Variants in CHD7 observed in about 807,000 individuals in gnomAD.
CHD7 encodes the protein chromodomain helicase DNA binding protein 7.
Under a neutral mutation model 307.3 loss-of-function variants are expected in CHD7, and 24 were observed. That is an observed-to-expected ratio of 0.08 (90% CI 0.06 to 0.11). The LOEUF is 0.11. CHD7 is among the 10% of genes least tolerant of loss of function. The probability of loss-of-function intolerance (pLI) is 1.00; values close to 1 mark genes in which losing one functional copy is unlikely to be tolerated. For missense variants in CHD7, 3,106 were observed against 3,727.1 expected (o/e 0.83, Z 4.34); for synonymous variants, 1,363 against 1,349.9 (o/e 1.01, Z -0.21).
intron 1 of CHD7, among the ~76,000 whole-genome samples, chr8:60,716,813 T>G (rs890127958): frequency 1.3e-5 from 2 of 152,236 alleles, no homozygotes; most frequent in African/African-American, 2.4e-5. Flanking sequence ...ACATATTTGT[T>G]GCTTAAAATT....
chr8:60,679,602 C>G (rs2150464396), intron 1 of CHD7: 1 of 148,152 alleles, frequency 6.7e-6, no homozygotes, highest in South Asian at 1.8e-4. Flanking sequence ...GATGGGCGCG[C>G]GGGCGCGGGG....
Position 60,856,879 on chromosome 8 carries a change from A to C in CHD7, c.7599A>C (p.Ser2533=). ...DLLFMSHKRT[S]LSAEDAEVTK... ...TTTTCATGAGCCACAAACGGACGTC[A>C]TTGAGTGCAGTAAGTTGGGGAGCTT... is the stretch of plus-strand genomic sequence containing the variant. Residue 2533 remains serine (S), a synonymous_variant, in exon 34 of 38, where the codon TCA becomes TCC. Coordinates refer to ENST00000423902, the MANE Select transcript of CHD7 (RefSeq NM_017780.4). The C allele has an allele frequency of 1.3e-6, 2 of 1,547,058 alleles. No homozygotes were observed. The highest frequency in any genetic ancestry group is 1.7e-6 in the Non-Finnish European group (2 of 1,149,076).
intron 12 of CHD7, 86 bp downstream of exon 12, chr8:60,822,832 A>G: frequency 7.5e-7 from 1 of 1,335,418 alleles, no homozygotes; most frequent in Non-Finnish European, 9.9e-7. Flanking sequence ...TGACTTGGGA[A>G]GGTCTAAATT....
intron 2 of CHD7, among the ~76,000 whole-genome samples, chr8:60,750,398 G>A (rs1329808866): frequency 2.0e-5 from 3 of 152,174 alleles, no homozygotes; most frequent in Non-Finnish European, 4.4e-5. Context: ...AACCTCCACC[G>A]AGGTGGAAAG....
chr8:60,699,545 T>G (rs1806652204), intron 1 of CHD7, among the ~76,000 whole-genome samples: 1 of 152,044 alleles, frequency 6.6e-6, no homozygotes, highest in Non-Finnish European at 1.5e-5. Context: ...TTTTAAAGCC[T>G]GGGGTAGCCT....
At chr8:60,735,632 G>A (rs1808664472) in intron 1 of CHD7, among the ~76,000 whole-genome samples, 1 of 152,092 alleles carries the variant, frequency 6.6e-6, no homozygotes. Flanking sequence ...CATAAAATAT[G>A]ATATATGGAA....
In CHD7 at chr8:60,832,543, A is replaced by G. The variant is rs1273254771; in HGVS notation, c.3778+1966A>G. ...ACACGTGTGTGCATGCACTGTGCAC[A>G]TACATGTGTTTGCATTTAATAGCTG... On this transcript the variant is annotated intron_variant, in intron 15 of 37. Transcript: ENST00000423902. Among the ~76,000 whole-genome samples the G allele has an allele frequency of 3.3e-5, 5 of 152,322 alleles. No individual in the cohort carries two copies. In the East Asian group the frequency reaches 7.7e-4, roughly 23 times the overall value.
intron 2 of CHD7, 104 bp downstream of exon 2, chr8:60,743,201 AT>A: frequency 2.1e-6 from 2 of 937,026 alleles, no homozygotes; most frequent in Non-Finnish European, 3.3e-6. Flanking sequence ...CTTTTTCATT[AT>A]GAGTGCCTTA....
intron 2 of CHD7, among the ~76,000 whole-genome samples, chr8:60,755,860 T>A (rs1809865467): frequency 6.6e-6 from 1 of 152,196 alleles, no homozygotes; most frequent in South Asian, 2.1e-4. Flanking sequence ...AGTTATTTTT[T>A]AAAGAAGGTT....
rs1337442080 is a variant in CHD7 at position 60,867,944 on chromosome 8, G to A, written c.*2011G>A. The A allele has an allele frequency of 6.6e-6, 1 of 151,764 alleles. No homozygotes were observed. Among genetic ancestry groups the A allele is most frequent in the East Asian group, 1.9e-4 (1 of 5,200 alleles). 9.4% of individuals were successfully genotyped at this position (151,764 alleles called of 1,614,324 possible). On this transcript the variant is annotated 3_prime_UTR_variant, in exon 38 of 38. Coordinates refer to ENST00000423902, the MANE Select transcript of CHD7 (RefSeq NM_017780.4). ...TGAAACTAGGTCTGCATGAAGTATA[G>A]GAAATTTAAGTATTTAAGTAACAAA... is the stretch of plus-strand genomic sequence containing the variant.
At chr8:60,826,019 A>G (rs573642930) in intron 13 of CHD7, among the ~76,000 whole-genome samples, 3 of 152,202 alleles carry the variant, frequency 2.0e-5, no homozygotes, top group African/African-American at 7.2e-5. Flanking sequence ...TATTTCAAAG[A>G]GTTTTCTATT....
Position 60,816,515 on chromosome 8 carries a change from GCTTA to G in CHD7, c.2613+18_2613+21del. The G allele has an allele frequency of 7.1e-7, 1 of 1,407,288 alleles. No homozygotes were observed. Among genetic ancestry groups the G allele is most frequent in the Non-Finnish European group, 9.9e-7 (1 of 1,011,470 alleles). 87.2% of individuals were successfully genotyped at this position (1,407,288 alleles called of 1,614,324 possible). On this transcript the variant is annotated intron_variant, in intron 8 of 37. Coordinates refer to ENST00000423902, the MANE Select transcript of CHD7 (RefSeq NM_017780.4). ...TTCCTTTCAGAGGTACGACATACCT[GCTTA>G]CTTTTCCAAAGTATTTACTTTGTTA...
chr8:60,776,061 A>G (rs899428888), intron 2 of CHD7, among the ~76,000 whole-genome samples: 2 of 152,224 alleles, frequency 1.3e-5, no homozygotes, highest in African/African-American at 2.4e-5. Context: ...CATTTAGCCT[A>G]TCACAGAATT....
intron 2 of CHD7, among the ~76,000 whole-genome samples, chr8:60,777,203 A>T (rs1382601590): frequency 3.9e-5 from 6 of 152,188 alleles, no homozygotes; most frequent in Non-Finnish European, 7.3e-5. Flanking sequence ...TTGATTTTAG[A>T]CTTGTTTGTA....
intron 34 of CHD7, 131 bp from the exon 35 acceptor site, chr8:60,860,773 G>A (rs1479099847): frequency 5.4e-6 from 4 of 742,032 alleles, no homozygotes; most frequent in East Asian, 5.3e-5. Flanking sequence ...CAAACAACTA[G>A]ACATTGTTTC....
chr8:60,836,427 T>G, intron 16 of CHD7, 144 bp downstream of exon 16: 2 of 676,048 alleles, frequency 3.0e-6, no homozygotes, highest in Admixed American at 2.9e-5. Flanking sequence ...AAACTATAGA[T>G]GTACATGATG....
intron 8 of CHD7, among the ~76,000 whole-genome samples, chr8:60,817,482 G>A (rs1181341860): frequency 6.6e-6 from 1 of 152,130 alleles, no homozygotes; most frequent in Non-Finnish European, 1.5e-5. Context: ...GTCCCAACTG[G>A]CCTATGGTAA....
Position 60,800,464 on chromosome 8 carries a change from C to G in CHD7, c.2315C>G (p.Ala772Gly), listed in dbSNP as rs1377795325. 6.2e-7 allele frequency: 1 copy of G among 1,613,814 alleles called. No individual in the cohort carries two copies. The highest frequency in any genetic ancestry group is 2.2e-5 in the East Asian group (1 of 44,864). Residue 772 changes from alanine to glycine, a missense_variant, in exon 5 of 38, where the codon GCA becomes GGA. This residue lies in a region of CHD7 where 998 missense variants were observed against 1,004.5 expected (regional missense o/e 0.99). Coordinates refer to ENST00000423902, the MANE Select transcript of CHD7 (RefSeq NM_017780.4). Reference protein sequence around the residue: ...DLEFKISDEEADDADAAGRDS... With the variant: ...DLEFKISDEEGDDADAAGRDS... ...GAGTTCAAGATTTCTGATGAGGAGG[C>G]AGATGATGCAGATGCTGCTGGGAGG...
chr8:60,728,832 G>A (rs1247989162), intron 1 of CHD7, among the ~76,000 whole-genome samples: 3 of 152,118 alleles, frequency 2.0e-5, no homozygotes, highest in East Asian at 3.9e-4. Flanking sequence ...ATTTTAACTT[G>A]TAGGTTTGGG....
Sources: allele counts gnomAD v4.1 joint callset (sites outside exome capture counted in the v4.1 genomes callset), GRCh38; gene constraint gnomAD v4.1.1; regional missense constraint gnomAD v4.1.1; transcripts MANE v1.5; gene names NCBI Gene and HGNC (gene_info 2026-07-23, HGNC 2026-07-21).